The following NKAIN4 variants were observed in gnomAD, a reference collection of about 807,000 sequenced individuals.
NKAIN4 encodes the protein sodium/potassium transporting ATPase interacting 4, also known as sodium/potassium-transporting ATPase subunit beta-1-interacting protein 4.
A neutral mutation model predicts 28.8 loss-of-function variants in NKAIN4; 28 were observed. The ratio of observed to expected loss-of-function variants is 0.97; its 90% CI spans 0.72 to 1.33. The LOEUF (loss-of-function observed/expected upper bound fraction) is 1.33. Among genes scored for constraint, NKAIN4 ranks in the 40% most tolerant of loss-of-function variants. The pLI is 0.00. For synonymous variants in NKAIN4, 122 were observed against 115.6 expected, an observed-to-expected ratio of 1.06 and a Z score of -0.36; for missense variants, 289 against 277.2, an observed-to-expected ratio of 1.04 and a Z score of -0.30.
chr20:63,250,100 G>A (rs1284598822), intron 1 of NKAIN4, 28 bp from the exon 2 acceptor site: 10 of 1,542,216 alleles, frequency 6.5e-6, no homozygotes, highest in South Asian at 2.4e-5. Context: ...GCCATGAAGG[G>A]TGGACCCGAG....
Position 63,241,211 on chromosome 20 carries a change from C to T in NKAIN4, c.*286G>A. The T allele has an allele frequency of 2.3e-6, 1 of 426,342 alleles. No homozygotes were observed. The highest frequency in any genetic ancestry group is 4.2e-6 in the Non-Finnish European group (1 of 235,508). 26.4% of individuals were successfully genotyped at this position (426,342 alleles called of 1,614,324 possible). ...GGGCAGAGCTGTGACCCCCATGTTG[C>T]CAGAGGAGGTGGGCATGTGGGGTTT... On this transcript the variant is annotated 3_prime_UTR_variant, in exon 7 of 7. Transcript: ENST00000370316.
chr20:63,244,188 G>A, intron 4 of NKAIN4, 104 bp from the exon 5 acceptor site: 6 of 959,724 alleles, frequency 6.3e-6, no homozygotes, highest in Non-Finnish European at 9.7e-6. Flanking sequence ...GACCACCAAG[G>A]CCCTGCCTCT....
At chr20:63,243,543 AGTGTGGACCACTC>A (rs2066799939) in intron 5 of NKAIN4, among the ~76,000 whole-genome samples, 1 of 152,138 alleles carries the variant, frequency 6.6e-6, no homozygotes, top group East Asian at 1.9e-4. Flanking sequence ...AGGGCGCCTG[AGTGTGGACCACTC>A]GTGTTGCAAA....
At chr20:63,246,155 C>T (rs537214895) in intron 4 of NKAIN4, among the ~76,000 whole-genome samples, 68 of 152,300 alleles carry the variant, frequency 4.5e-4, no homozygotes, top group African/African-American at 1.6e-3. Context: ...GTCTCAGTCT[C>T]CTGACCTCGT....
intron 1 of NKAIN4, 74 bp downstream of exon 1, chr20:63,254,323 G>T: frequency 8.2e-7 from 1 of 1,220,284 alleles, no homozygotes; most frequent in Non-Finnish European, 1.1e-6. Context: ...GCGGAGGGAC[G>T]CTTCGGGACC....
chr20:63,243,885 G>C, intron 5 of NKAIN4, 139 bp downstream of exon 5: 1 of 686,870 alleles, frequency 1.5e-6, no homozygotes, highest in South Asian at 1.9e-5. Flanking sequence ...CAGGCCTACG[G>C]CCGTGAGCAA....
At chr20:63,254,586 C>T (rs2067019441), upstream of NKAIN4, 1 of 573,448 alleles carries the variant, frequency 1.7e-6, no homozygotes, top group Non-Finnish European at 2.6e-6. Flanking sequence ...CAACCCCCGG[C>T]CCAGCCCCAG....
chr20:63,241,773 C>T (rs1285966788), intron 6 of NKAIN4: 2 of 653,416 alleles, frequency 3.1e-6, no homozygotes, highest in Admixed American at 4.3e-5. Context: ...AGAGGGGGCT[C>T]ACCCAGGGGT....
intron 6 of NKAIN4, 79 bp downstream of exon 6, chr20:63,242,457 GCCC>G (rs1354811139): frequency 6.5e-6 from 6 of 920,836 alleles, no homozygotes; most frequent in Non-Finnish European, 1.1e-5. Context: ...GCCTGGTGAG[GCCC>G]CCAAGGAAGG....
chr20:63,247,800 G>T, intron 3 of NKAIN4, 25 bp from the exon 4 acceptor site: 1 of 1,430,406 alleles, frequency 7.0e-7, no homozygotes, highest in Non-Finnish European at 9.2e-7. Flanking sequence ...CAGGAGCAGG[G>T]CCGGTTAGCA....
chr20:63,253,344 C>T, intron 1 of NKAIN4: 1 of 985,392 alleles, frequency 1.0e-6, no homozygotes, highest in Non-Finnish European at 1.2e-6. Context: ...TTCCTTCCTG[C>T]AGGAAGGACA....
intron 4 of NKAIN4, chr20:63,247,143 A>G (rs1394391621): frequency 1.9e-6 from 2 of 1,066,750 alleles, no homozygotes; most frequent in African/African-American, 3.4e-5. Flanking sequence ...TTGCCAGCCC[A>G]GCCTCAGGCT....
At position 63,248,815 on chromosome 20, in the gene NKAIN4, CT is replaced by C. The variant is rs757397579; in HGVS notation, c.272del (p.Lys91ArgfsTer6). 1.2e-6 allele frequency: 2 copies of C among 1,609,962 alleles called. No homozygotes were observed. The highest frequency in any genetic ancestry group is 1.7e-6 in the Non-Finnish European group (2 of 1,177,458). On this transcript the variant is annotated frameshift_variant and splice_region_variant, in exon 3 of 7. Transcript: ENST00000370316. LOFTEE classifies it high-confidence loss of function. Reference sequence around the variant, plus strand: ...GCGCTGCCTCCCAGTCTGCACTCACCTTTAAGAGGCCACCGACTTCCAGGTA... The same window carrying C: ...GCGCTGCCTCCCAGTCTGCACTCACCTTAAGAGGCCACCGACTTCCAGGTA... ...CFYLEVGGLL[K>X]DSELLTFSLS...
chr20:63,252,720 C>T lies in NKAIN4; in HGVS notation c.54+1677G>A, dbSNP rs2066982831. Among the ~76,000 whole-genome samples the T allele has an allele frequency of 6.6e-6, 1 of 152,168 alleles. No homozygotes were observed. The highest frequency in any genetic ancestry group is 1.5e-5 in the Non-Finnish European group (1 of 68,024). The stretch of plus-strand genomic sequence containing the variant: ...GAGTCCCCAGGTCTGCTAGTGAAGC[C>T]CTGCGGCCCTCAAGCCAGGATGACT... On this transcript the variant is annotated intron_variant, in intron 1 of 6. Transcript: ENST00000370316. This position sits in a 1 kb window ranked among gnomAD's most constrained non-coding sequence, Gnocchi z 4.6.
In NKAIN4 at chr20:63,252,976, C is replaced by T. The variant is rs556827842; in HGVS notation, c.54+1421G>A. ...CAGCACATCCTCACACCACCTTCAA[C>T]AGATGGAAACCAATGTCACTAGTGT... On this transcript the variant is annotated intron_variant, in intron 1 of 6. Coordinates refer to ENST00000370316, the MANE Select transcript of NKAIN4 (RefSeq NM_152864.4). This position sits in a 1 kb window ranked among gnomAD's most constrained non-coding sequence, Gnocchi z 4.6. Among the ~76,000 whole-genome samples, 2 of 152,290 alleles carry T rather than the reference C, an allele frequency of 1.3e-5. No homozygotes were observed. The highest frequency in any genetic ancestry group is 4.1e-4 in the South Asian group (2 of 4,824).
At position 63,242,563 on chromosome 20, in the gene NKAIN4, C is replaced by T. The variant is rs772849486; in HGVS notation, c.593G>A (p.Ser198Asn). ...PLYHVNEKPS[S>N]LLSKQVYLPA is the part of the protein sequence containing the mutation. ...CAAGTACACCTGCTTGGACAAGAGA[C>T]TGGATGGCTTTTCATTGACATGGTA... The change falls in exon 6 of 7, where the codon AGT becomes AAT. Residue 198 changes from serine (S) to asparagine (N), a missense_variant. By Grantham distance (46) the Ser-to-Asn change is conservative. Transcript: ENST00000370316. The T allele has an allele frequency of 6.2e-7, 1 of 1,613,470 alleles. No individual in the cohort carries two copies. Among genetic ancestry groups the T allele is most frequent in the South Asian group, 1.1e-5 (1 of 91,078 alleles).
intron 4 of NKAIN4, chr20:63,244,600 G>A (rs1007165608): frequency 1.3e-5 from 6 of 466,210 alleles, no homozygotes; most frequent in Admixed American, 4.7e-5. Flanking sequence ...GGGGTCCAGC[G>A]GGCAACTCCG....
chr20:63,243,856 T>C (rs1013874127), intron 5 of NKAIN4, 168 bp downstream of exon 5: 6 of 602,380 alleles, frequency 1.0e-5, no homozygotes, highest in African/African-American at 1.9e-5. Context: ...TCTTCCCTGG[T>C]GTGTGGCGAG....
At chr20:63,250,675 G>A (rs573437758) in intron 1 of NKAIN4, among the ~76,000 whole-genome samples, 97 of 152,250 alleles carry the variant, frequency 6.4e-4, no homozygotes, top group African/African-American at 2.2e-3. Flanking sequence ...CTCTACACAG[G>A]GCCGAGAGAG....
Sources: gnomAD v4.1 joint callset for allele counts (sites outside exome capture counted in the v4.1 genomes callset) on GRCh38, gnomAD v4.1.1 for gene constraint, Gnocchi (gnomAD v3.1) non-coding constraint, MANE v1.5 for transcripts, NCBI Gene and HGNC (gene_info 2026-07-23, HGNC 2026-07-21) for gene names.